PPP6R3: variants seen among roughly 807,000 people sequenced by gnomAD.
PPP6R3 encodes protein phosphatase 6 regulatory subunit 3, also known as serine/threonine-protein phosphatase 6 regulatory subunit 3.
PPP6R3 carries 38 observed loss-of-function variants against 110.7 expected under a neutral mutation model. The ratio of observed to expected loss-of-function variants is 0.34; its 90% CI spans 0.26 to 0.45. The LOEUF (loss-of-function observed/expected upper bound fraction) is 0.45. Among genes scored for constraint, PPP6R3 ranks in the 20% least tolerant of loss-of-function variants. PPP6R3 has a pLI of 1.00. For synonymous variants in PPP6R3, 369 were observed against 373.5 expected, an observed-to-expected ratio of 0.99 and a Z score of 0.14; for missense variants, 870 against 1,062.4, an observed-to-expected ratio of 0.82 and a Z score of 2.52.
At chr11:68,524,090 T>A (rs544506779) in intron 2 of PPP6R3, among the ~76,000 whole-genome samples, 5 of 152,300 alleles carry the variant, frequency 3.3e-5, no homozygotes, top group Non-Finnish European at 5.9e-5. Context: ...AACCTTCCTG[T>A]CCAGAACAGG....
At position 68,603,426 on chromosome 11, in the gene PPP6R3, A is replaced by C; in HGVS notation, c.2384A>C (p.Asn795Thr). ...STDKVTETVM[N>T]GGMKETLSLT... is the part of the protein sequence containing the mutation. Reference sequence around the variant, plus strand: ...GACAAGGTAACTGAGACAGTGATGAATGGCGGCATGAAGGAAACGCTCAGC... The same window carrying C: ...GACAAGGTAACTGAGACAGTGATGACTGGCGGCATGAAGGAAACGCTCAGC... Residue 795 changes from asparagine to threonine, a missense_variant, in exon 22 of 24, where the codon AAT (asparagine) becomes ACT (threonine). Asn to Thr is a moderately conservative substitution (Grantham distance 65). Transcript: ENST00000393800. 1 of 1,614,174 alleles carries C rather than the reference A, an allele frequency of 6.2e-7. No individual in the cohort carries two copies. Among genetic ancestry groups the C allele is most frequent in the Non-Finnish European group, 8.5e-7 (1 of 1,180,030 alleles).
intron 2 of PPP6R3, among the ~76,000 whole-genome samples, chr11:68,521,021 C>T (rs1415578252): frequency 1.3e-5 from 2 of 152,204 alleles, no homozygotes; most frequent in East Asian, 1.9e-4. Flanking sequence ...ATCCACCTGC[C>T]TAGGCCTCCC....
intron 12 of PPP6R3, among the ~76,000 whole-genome samples, chr11:68,572,781 G>T (rs1209629476): frequency 6.6e-6 from 1 of 151,990 alleles, no homozygotes; most frequent in Non-Finnish European, 1.5e-5. Context: ...GTTTGAAGCT[G>T]CAATGAGCTG....
rs2099476469 is a variant in PPP6R3, at chr11:68,567,051, C to A, written c.1013C>A (p.Pro338His). 6.4e-7 allele frequency: 1 copy of A among 1,551,516 alleles called. No individual in the cohort carries two copies. Among genetic ancestry groups the A allele is most frequent in the Non-Finnish European group, 8.7e-7 (1 of 1,146,914 alleles). ...VMKTTWGVLD[P>H]PVGNTRLNVI... ...AAGACCACATGGGGTGTGCTGGATCCTCCTGTGGGGAATACCCGGTTGAAT... is the reference window on the plus strand; with the variant it reads ...AAGACCACATGGGGTGTGCTGGATCATCCTGTGGGGAATACCCGGTTGAAT... The change falls in exon 10 of 24, where the codon CCT becomes CAT. Residue 338 changes from proline to histidine, a missense_variant. Coordinates refer to ENST00000393800, the MANE Select transcript of PPP6R3 (RefSeq NM_001164161.2).
chr11:68,507,022 A>T (rs997692414), intron 1 of PPP6R3, among the ~76,000 whole-genome samples: 1 of 152,182 alleles, frequency 6.6e-6, no homozygotes, highest in Non-Finnish European at 1.5e-5. Flanking sequence ...TGATGTACTA[A>T]TTTATGACTT....
At chr11:68,543,461 C>T (rs1280555080) in intron 3 of PPP6R3, among the ~76,000 whole-genome samples, 2 of 150,804 alleles carry the variant, frequency 1.3e-5, no homozygotes, top group African/African-American at 4.9e-5. Context: ...GGGACCTTCT[C>T]ATACTCTTCT....
chr11:68,483,474 A>G (rs2098928340), intron 1 of PPP6R3, among the ~76,000 whole-genome samples: 1 of 152,180 alleles, frequency 6.6e-6, no homozygotes, highest in African/African-American at 2.4e-5. Context: ...TTATCATCCA[A>G]AGTCCATACT....
chr11:68,593,445 A>G (rs1180046212), intron 18 of PPP6R3, among the ~76,000 whole-genome samples: 1 of 152,166 alleles, frequency 6.6e-6, no homozygotes, highest in Non-Finnish European at 1.5e-5. Context: ...CTATTCATGG[A>G]TGTTTTGGTT....
intron 1 of PPP6R3, among the ~76,000 whole-genome samples, chr11:68,511,463 AGTGTGTGTGT>A (rs111457206): frequency 3.2e-4 from 44 of 138,602 alleles, no homozygotes; most frequent in Admixed American, 2.9e-3. Flanking sequence ...ACTGTGTTAG[AGTGTGTGTGT>A]GTGTGTGTGT....
At chr11:68,600,252 C>A (rs139398512) in intron 19 of PPP6R3, 89 bp from the exon 20 acceptor site, 9 of 1,431,112 alleles carry the variant, frequency 6.3e-6, no homozygotes, top group Non-Finnish European at 9.8e-7. Flanking sequence ...CAGCTCCAGT[C>A]TCTTTTGCTA....
intron 1 of PPP6R3, among the ~76,000 whole-genome samples, chr11:68,503,986 C>T (rs538794493): frequency 5.1e-4 from 78 of 152,270 alleles, no homozygotes; most frequent in African/African-American, 1.8e-3. Flanking sequence ...GGCTGACCTC[C>T]GTGGAGAGCC....
chr11:68,537,921 G>A, intron 3 of PPP6R3, 30 bp downstream of exon 3: 1 of 1,510,482 alleles, frequency 6.6e-7, no homozygotes, highest in Non-Finnish European at 9.1e-7. Flanking sequence ...TCTGTAGAGT[G>A]GGACTAAAGT....
chr11:68,523,629 T>C (rs1416234266), intron 2 of PPP6R3, among the ~76,000 whole-genome samples: 2 of 151,646 alleles, frequency 1.3e-5, no homozygotes, highest in African/African-American at 4.8e-5. Context: ...TGTGATGGCC[T>C]GTGCAGGCCC....
intron 22 of PPP6R3, among the ~76,000 whole-genome samples, chr11:68,607,125 A>G (rs989613441): frequency 3.9e-5 from 6 of 152,234 alleles, no homozygotes; most frequent in African/African-American, 1.4e-4. Context: ...CGCAGTCTCA[A>G]TCCAAATTTC....
intron 22 of PPP6R3, among the ~76,000 whole-genome samples, chr11:68,607,745 A>C (rs1014919035): frequency 6.6e-6 from 1 of 151,772 alleles, no homozygotes; most frequent in Non-Finnish European, 1.5e-5. Context: ...CTGCCTATCT[A>C]ATCTATCATC....
chr11:68,566,137 G>T (rs1223214297), intron 9 of PPP6R3, among the ~76,000 whole-genome samples: 1 of 152,190 alleles, frequency 6.6e-6, no homozygotes, highest in Non-Finnish European at 1.5e-5. Flanking sequence ...TTGTGATCCA[G>T]AGGCAACGTC....
intron 13 of PPP6R3, among the ~76,000 whole-genome samples, chr11:68,574,963 T>C (rs973157700): frequency 6.6e-6 from 1 of 152,214 alleles, no homozygotes; most frequent in Non-Finnish European, 1.5e-5. Context: ...TTCTTAAGAA[T>C]GTTTGTTTGT....
intron 8 of PPP6R3, among the ~76,000 whole-genome samples, chr11:68,562,669 C>A (rs116672765): frequency 6.6e-6 from 1 of 152,138 alleles, no homozygotes; most frequent in South Asian, 2.1e-4. Flanking sequence ...GAAAGGACAG[C>A]GTTTTCAGTA....
chr11:68,594,745 T>C (rs2099608291), intron 18 of PPP6R3, among the ~76,000 whole-genome samples: 1 of 152,160 alleles, frequency 6.6e-6, no homozygotes, highest in Non-Finnish European at 1.5e-5. Flanking sequence ...TAAATTCATA[T>C]GGAAATGAAA....
Sources: gnomAD v4.1 joint callset for allele counts (sites outside exome capture counted in the v4.1 genomes callset) on GRCh38, gnomAD v4.1.1 for gene constraint, MANE v1.5 for transcripts, NCBI Gene and HGNC (gene_info 2026-07-23, HGNC 2026-07-21) for gene names.